Variants in NCAM2 observed in about 807,000 individuals in gnomAD.
NCAM2 encodes the protein neural cell adhesion molecule 2, also known as N-CAM-2.
A neutral mutation model predicts 98.1 loss-of-function variants in NCAM2; 30 were observed. That is an observed-to-expected ratio of 0.31 (90% confidence interval 0.23 to 0.41). The LOEUF (loss-of-function observed/expected upper bound fraction) is 0.41. NCAM2 is among the 10% of genes least tolerant of loss of function. The pLI, the probability that NCAM2 is intolerant of heterozygous loss-of-function variation, is 1.00. For missense variants in NCAM2, 867 were observed against 1,005.8 expected (o/e 0.86, Z 1.87); for synonymous variants, 368 against 342.4 (o/e 1.07, Z -0.83).
intron 1 of NCAM2, among the ~76,000 whole-genome samples, chr21:21,272,520 A>G (rs1409922769): frequency 2.0e-5 from 3 of 151,972 alleles, no homozygotes; most frequent in Non-Finnish European, 4.4e-5. Context: ...ACACACACAC[A>G]CACACACACA....
At chr21:21,480,417 TAGAA>T (rs1985769582) in intron 15 of NCAM2, among the ~76,000 whole-genome samples, 2 of 149,704 alleles carry the variant, frequency 1.3e-5, no homozygotes, top group South Asian at 4.2e-4. Flanking sequence ...AGATTTTTCT[TAGAA>T]GGTGAGTTTC....
At chr21:21,282,257 G>A (rs944183920) in intron 2 of NCAM2, among the ~76,000 whole-genome samples, 4 of 151,812 alleles carry the variant, frequency 2.6e-5, no homozygotes, top group African/African-American at 9.7e-5. Context: ...CAATGAAATT[G>A]TTGTACTTTT....
At chr21:21,527,206 G>A (rs1048490257) in intron 16 of NCAM2, among the ~76,000 whole-genome samples, 1 of 151,808 alleles carries the variant, frequency 6.6e-6, no homozygotes, top group East Asian at 1.9e-4. Flanking sequence ...CCACCTCCCA[G>A]GTTCAAGTGA....
chr21:21,324,713 G>T (rs2074468064), intron 6 of NCAM2, among the ~76,000 whole-genome samples: 1 of 152,060 alleles, frequency 6.6e-6, no homozygotes, highest in Admixed American at 6.6e-5. Context: ...TGAGTCAAAG[G>T]CTGTACCCAT....
intron 9 of NCAM2, among the ~76,000 whole-genome samples, chr21:21,386,738 T>TTTCAGAG (rs1179697445): frequency 6.6e-6 from 1 of 151,810 alleles, no homozygotes; most frequent in Non-Finnish European, 1.5e-5. Flanking sequence ...CAGATCTTGT[T>TTTCAGAG]AAAATGTATT....
chr21:21,221,063 G>C (rs2070128303), intron 1 of NCAM2, among the ~76,000 whole-genome samples: 1 of 152,094 alleles, frequency 6.6e-6, no homozygotes, highest in African/African-American at 2.4e-5. Flanking sequence ...TAATGTATCT[G>C]TTACGGTGAT....
At chr21:21,266,259 C>T (rs2072267165) in intron 1 of NCAM2, among the ~76,000 whole-genome samples, 1 of 151,978 alleles carries the variant, frequency 6.6e-6, no homozygotes, top group African/African-American at 2.4e-5. Flanking sequence ...TTTTTTTACT[C>T]ATTCAACTAA....
chr21:21,165,661 A>G (rs1291753089), intron 1 of NCAM2, among the ~76,000 whole-genome samples: 1 of 152,198 alleles, frequency 6.6e-6, no homozygotes, highest in African/African-American at 2.4e-5. Flanking sequence ...CCCTTGGCAT[A>G]CACTCTCTTA....
intron 5 of NCAM2, among the ~76,000 whole-genome samples, chr21:21,300,686 G>T (rs1291519655): frequency 6.6e-6 from 1 of 151,958 alleles, no homozygotes; most frequent in Non-Finnish European, 1.5e-5. Flanking sequence ...ACAGGAGGCG[G>T]TCTATAACTT....
chr21:21,457,472 T>C (rs2146173051), intron 12 of NCAM2, among the ~76,000 whole-genome samples: 1 of 152,182 alleles, frequency 6.6e-6, no homozygotes, highest in Admixed American at 6.5e-5. Flanking sequence ...AAACCTTGTT[T>C]CTACCAAAAA....
At chr21:21,170,854 G>GT (rs748226153) in intron 1 of NCAM2, among the ~76,000 whole-genome samples, 15 of 152,064 alleles carry the variant, frequency 9.9e-5, no homozygotes, top group Non-Finnish European at 1.8e-4. Flanking sequence ...GCTGTGCTTG[G>GT]TGTGGGGACA....
intron 9 of NCAM2, among the ~76,000 whole-genome samples, chr21:21,398,266 G>C (rs1041403987): frequency 6.6e-6 from 1 of 152,138 alleles, no homozygotes; most frequent in Non-Finnish European, 1.5e-5. Context: ...TGAAGGGAAA[G>C]GGTGAGAGTA....
At chr21:21,126,702 T>A (rs925989786) in intron 1 of NCAM2, among the ~76,000 whole-genome samples, 1 of 152,026 alleles carries the variant, frequency 6.6e-6, no homozygotes, top group Non-Finnish European at 1.5e-5. Flanking sequence ...ATCTTATGTT[T>A]TGTGAAAAGT....
At chr21:21,191,126 T>A (rs1236146494) in intron 1 of NCAM2, among the ~76,000 whole-genome samples, 2 of 152,162 alleles carry the variant, frequency 1.3e-5, no homozygotes, top group Admixed American at 1.3e-4. Context: ...CCTTTAGCAA[T>A]GAATGATAGT....
chr21:21,528,721 C>A (rs547402006), intron 16 of NCAM2, among the ~76,000 whole-genome samples: 2 of 152,202 alleles, frequency 1.3e-5, no homozygotes, highest in African/African-American at 4.8e-5. Context: ...TAGACATATT[C>A]ACATGTGTGT....
chr21:21,433,433 T>C (rs1394262274), intron 12 of NCAM2, among the ~76,000 whole-genome samples: 1 of 152,006 alleles, frequency 6.6e-6, no homozygotes, highest in Non-Finnish European at 1.5e-5. Context: ...TTTTGTTTTG[T>C]TTTATTTTAT....
chr21:21,161,268 A>G (rs993584384), intron 1 of NCAM2, among the ~76,000 whole-genome samples: 8 of 152,036 alleles, frequency 5.3e-5, no homozygotes, highest in African/African-American at 1.7e-4. Context: ...AAAAAATTTT[A>G]AGACGGAAAA....
At position 21,091,629 on chromosome 21, in the gene NCAM2, A is replaced by T. The variant is rs144093634; in HGVS notation, c.55+93011A>T. 6.6e-3 allele frequency among the ~76,000 whole-genome samples: 1,010 copies of T among 152,224 alleles called. 10 individuals carry two copies. Among genetic ancestry groups the T allele is most frequent in the East Asian group, 0.033 (172 of 5,162 alleles). ...CAAGGCCTGTCTTACATGGATAAGG[A>T]TTACATGGATCCTTTACTGAGGATA... On this transcript the variant is annotated intron_variant, in intron 1 of 17. Transcript: ENST00000400546.
chr21:21,397,056 G>A (rs1404849547), intron 9 of NCAM2, among the ~76,000 whole-genome samples: 1 of 152,196 alleles, frequency 6.6e-6, no homozygotes, highest in Non-Finnish European at 1.5e-5. Flanking sequence ...GTTTCATTGA[G>A]CTACAGAAAA....
Sources: gnomAD v4.1 joint callset for allele counts (sites outside exome capture counted in the v4.1 genomes callset) on GRCh38, gnomAD v4.1.1 for gene constraint, MANE v1.5 for transcripts, NCBI Gene and HGNC (gene_info 2026-07-23, HGNC 2026-07-21) for gene names.